The following HIPK1 variants were observed in gnomAD, a reference collection of about 807,000 sequenced individuals.
HIPK1 encodes homeodomain-interacting protein kinase 1.
Under a neutral mutation model 117.1 loss-of-function variants are expected in HIPK1, and 28 were observed. That is an observed-to-expected ratio of 0.24 (90% CI 0.18 to 0.33). The LOEUF (loss-of-function observed/expected upper bound fraction) is 0.33. Among genes scored for constraint, HIPK1 ranks in the 10% least tolerant of loss-of-function variants. The pLI, the probability that HIPK1 is intolerant of heterozygous loss-of-function variation, is 1.00. For missense variants in HIPK1, 1,122 were observed against 1,475.1 expected (o/e 0.76, Z 3.92); for synonymous variants, 605 against 562.5 (o/e 1.08, Z -1.07).
rs117674520 is a variant in HIPK1 at position 113,957,542 on chromosome 1, T to C, written c.1755+256T>C. 5.2e-5 allele frequency among the ~76,000 whole-genome samples: 8 copies of C among 152,384 alleles called. No homozygotes were observed. The East Asian group carries it at 1.5e-3, about 29-fold the overall frequency. ...TCAAATAAATGGGGTCTGACTATTA[T>C]GCTACTTACTGCTGTTAGTTTTACT... On this transcript the variant is annotated intron_variant, in intron 7 of 15. Transcript: ENST00000426820.
At position 113,941,500 on chromosome 1, in the gene HIPK1, T is replaced by C; in HGVS notation, c.1076+41T>C. 6.7e-7 allele frequency: 1 copy of C among 1,492,334 alleles called. No homozygotes were observed. Among genetic ancestry groups the C allele is most frequent in the Non-Finnish European group, 9.2e-7 (1 of 1,085,622 alleles). 92.4% of individuals were successfully genotyped at this position (1,492,334 alleles called of 1,614,324 possible). A position where few individuals can be genotyped will look rare whatever the true frequency, so the allele number is the denominator to read the frequency against. On this transcript the variant is annotated intron_variant, in intron 2 of 15. Coordinates refer to ENST00000426820, the MANE Select transcript of HIPK1 (RefSeq NM_198268.3). This position sits in a 1 kb window ranked among gnomAD's most constrained non-coding sequence, Gnocchi z 4.9. ...TGAAAATCGTATCTTAGGCTAGAGT[T>C]CTGTCCTTATATTTAACATATACCC...
intron 2 of HIPK1, among the ~76,000 whole-genome samples, chr1:113,944,158 G>GTTT (rs1474594102): frequency 9.1e-4 from 77 of 84,578 alleles, no homozygotes; most frequent in Middle Eastern, 7.1e-3. Flanking sequence ...AATAGCCATG[G>GTTT]GTTTTTTTTT....
intron 10 of HIPK1, 66 bp downstream of exon 10, chr1:113,963,587 C>A: frequency 6.5e-7 from 1 of 1,538,918 alleles, no homozygotes; most frequent in South Asian, 1.3e-5. Context: ...TTTGTTTTTT[C>A]CTGTTTGTTT....
chr1:113,963,304 A>C, intron 9 of HIPK1, 83 bp from the exon 10 acceptor site: 26 of 1,470,842 alleles, frequency 1.8e-5, no homozygotes, highest in Non-Finnish European at 2.4e-5. Context: ...GTCAGTAATA[A>C]CTTGGGGGGA....
chr1:113,929,785 A>C, intron 1 of HIPK1: 1 of 911,866 alleles, frequency 1.1e-6, no homozygotes, highest in Non-Finnish European at 1.3e-6. Context: ...CCCCTGCGGG[A>C]CGGGCGCGGG....
chr1:113,939,835 G>C (rs1394272943), intron 1 of HIPK1, among the ~76,000 whole-genome samples: 4 of 151,802 alleles, frequency 2.6e-5, no homozygotes, highest in Non-Finnish European at 4.4e-5. Flanking sequence ...AGCTGGAAGT[G>C]TCTGTGGGAT....
chr1:113,966,279 G>A lies in HIPK1; in HGVS notation c.2381+7G>A. On this transcript the variant is annotated splice_region_variant and intron_variant, in intron 11 of 15. Coordinates refer to ENST00000426820, the MANE Select transcript of HIPK1 (RefSeq NM_198268.3). ...AGCAGCTAGCTGACTGGAGGCAAGT[G>A]TCCTGTGTTACTCTGGGAGATTTGT... 2.5e-6 allele frequency: 4 copies of A among 1,611,194 alleles called. No individual in the cohort carries two copies. Among genetic ancestry groups the A allele is most frequent in the Non-Finnish European group, 3.4e-6 (4 of 1,178,666 alleles).
intron 1 of HIPK1, among the ~76,000 whole-genome samples, chr1:113,937,214 G>A (rs770608394): frequency 5.7e-4 from 86 of 152,150 alleles, no homozygotes; most frequent in Non-Finnish European, 8.7e-4. Context: ...TCTCAACTGA[G>A]TTTTAGAAAT....
rs1670635010 is a variant in HIPK1, at chr1:113,941,511, ATTTAACAT to A, written c.1076+53_1076+60del. The A allele has an allele frequency of 1.5e-6, 2 of 1,351,594 alleles. No homozygotes were observed. Among genetic ancestry groups the A allele is most frequent in the African/African-American group, 2.9e-5 (2 of 69,516 alleles). 83.7% of individuals were successfully genotyped at this position (1,351,594 alleles called of 1,614,324 possible). A position where few individuals can be genotyped will look rare whatever the true frequency, so the allele number is the denominator to read the frequency against. On this transcript the variant is annotated intron_variant, in intron 2 of 15. Transcript: ENST00000426820. The surrounding 1 kb of genome is among the most constrained non-coding windows in gnomAD (Gnocchi z 4.9). ...TCTTAGGCTAGAGTTCTGTCCTTAT[ATTTAACAT>A]ATACCCCGTAGGCTACATATAGCAA...
chr1:113,954,794 C>T (rs202230617), intron 4 of HIPK1, 24 bp downstream of exon 4: 125 of 1,604,410 alleles, frequency 7.8e-5, no homozygotes, highest in Middle Eastern at 5.0e-4. Context: ...ACTATGCTTC[C>T]GACTCCTGTA....
intron 14 of HIPK1, 41 bp from the exon 15 acceptor site, chr1:113,971,783 G>A: frequency 6.4e-7 from 1 of 1,572,552 alleles, no homozygotes; most frequent in Non-Finnish European, 8.6e-7. Context: ...GGTTAGCTCA[G>A]TGATGTCTAC....
intron 1 of HIPK1, among the ~76,000 whole-genome samples, chr1:113,931,192 T>C (rs1337785406): frequency 2.0e-5 from 3 of 151,322 alleles, no homozygotes; most frequent in Non-Finnish European, 4.4e-5. Flanking sequence ...TTTGTAAGAT[T>C]ATAGAGAATG....
intron 10 of HIPK1, among the ~76,000 whole-genome samples, chr1:113,963,728 C>T (rs1044029797): frequency 6.6e-6 from 1 of 152,098 alleles, no homozygotes; most frequent in African/African-American, 2.4e-5. Flanking sequence ...GTTTTCCTCC[C>T]CAACATTTGC....
chr1:113,972,422 C>T (rs1320087213), intron 15 of HIPK1, among the ~76,000 whole-genome samples: 1 of 152,176 alleles, frequency 6.6e-6, no homozygotes, highest in Non-Finnish European at 1.5e-5. Context: ...TCCCCACTCT[C>T]CGAACACCCC....
intron 3 of HIPK1, among the ~76,000 whole-genome samples, chr1:113,953,342 C>T (rs986475830): frequency 2.0e-4 from 30 of 152,136 alleles, no homozygotes; most frequent in African/African-American, 6.5e-4. Context: ...CATACTGGGT[C>T]GCTAAGATAG....
rs551056531 is a variant in HIPK1, at chr1:113,950,683, A to G, written c.1077-2083A>G. ...ATGCCCAGCTAATTTTTGTATTTTT[A>G]GTAGAGATGGAGTTTCACCGTGTTG... On this transcript the variant is annotated intron_variant, in intron 2 of 15. Coordinates refer to ENST00000426820, the MANE Select transcript of HIPK1 (RefSeq NM_198268.3). Among the ~76,000 whole-genome samples the G allele has an allele frequency of 2.1e-3, 324 of 152,238 alleles. 5 individuals carry two copies. Among genetic ancestry groups the G allele is most frequent in the South Asian group, 8.3e-3 (40 of 4,832 alleles).
chr1:113,973,339 C>T lies in HIPK1; in HGVS notation c.3460C>T (p.His1154Tyr). 6.2e-7 allele frequency: 1 copy of T among 1,614,172 alleles called. No homozygotes were observed. The highest frequency in any genetic ancestry group is 8.5e-7 in the Non-Finnish European group (1 of 1,180,026). ...AYTTHPSTLV[H>Y]QVPVSVGPSL... The stretch of plus-strand genomic sequence containing the variant: ...TACCACTCACCCTAGCACTTTGGTG[C>T]ACCAGGTCCCTGTCAGTGTTGGGCC... The change falls in exon 16 of 16, where the codon CAC (histidine) becomes TAC (tyrosine). Residue 1154 changes from histidine to tyrosine, a missense_variant. This residue lies in a region of HIPK1 where 731 missense variants were observed against 860.4 expected (regional missense o/e 0.85). Transcript: ENST00000426820.
chr1:113,948,925 C>A (rs184959346), intron 2 of HIPK1, among the ~76,000 whole-genome samples: 1 of 152,038 alleles, frequency 6.6e-6, no homozygotes, highest in Admixed American at 6.6e-5. Context: ...GCAACCTCTG[C>A]CCCCCGGGTT....
chr1:113,938,926 A>AT (rs2101152304), intron 1 of HIPK1, among the ~76,000 whole-genome samples: 4 of 61,316 alleles, frequency 6.5e-5, no homozygotes, highest in East Asian at 5.2e-4. Context: ...AAAAAAAAAA[A>AT]AATACACACA....
Sources: allele counts gnomAD v4.1 joint callset (sites outside exome capture counted in the v4.1 genomes callset), GRCh38; gene constraint gnomAD v4.1.1; regional missense constraint gnomAD v4.1.1; non-coding constraint Gnocchi (gnomAD v3.1); transcripts MANE v1.5; gene names NCBI Gene and HGNC (gene_info 2026-07-23, HGNC 2026-07-21).